PPFIBP2: variants seen among roughly 807,000 people sequenced by gnomAD.
PPFIBP2 encodes liprin-beta-2.
In PPFIBP2, 118 loss-of-function variants were observed where a neutral mutation model predicts 118.3. The ratio of observed to expected loss-of-function variants is 1.00; its 90% CI spans 0.86 to 1.16. PPFIBP2 has a LOEUF of 1.16. Ranked by LOEUF, PPFIBP2 falls within the 50% of genes most tolerant of loss-of-function variation. The pLI is 0.00. For synonymous variants in PPFIBP2, 414 were observed against 397.4 expected, an observed-to-expected ratio of 1.04 and a Z score of -0.50; for missense variants, 1,195 against 1,073.1, an observed-to-expected ratio of 1.11 and a Z score of -1.59.
At chr11:7,663,469 T>G in the PPFIBP2 span, among the ~76,000 whole-genome samples, 338 of 151,744 alleles carry the variant, frequency 2.2e-3, 1 homozygote, top group East Asian at 0.023. Context: ...CAGGGGTCAG[T>G]GGTCAGGGAC....
intron 1 of PPFIBP2, among the ~76,000 whole-genome samples, chr11:7,525,580 G>A (rs189033169): frequency 6.6e-6 from 1 of 152,308 alleles, no homozygotes; most frequent in Non-Finnish European, 1.5e-5. Flanking sequence ...GTAGAGAACA[G>A]CCCGGAATCA....
At chr11:7,653,833 G>A, downstream of PPFIBP2, 3 of 1,173,902 alleles carry the variant, frequency 2.6e-6, no homozygotes, top group South Asian at 4.7e-5. Context: ...CCTACGGATT[G>A]CAGAGCTGAA....
rs1854266229 is a variant in PPFIBP2, at chr11:7,652,951, T to A, written c.2437-73T>A. On this transcript the variant is annotated intron_variant, in intron 23 of 23. Transcript: ENST00000299492. ...TCCTTGAGTGCCTGCTCTTAAATTT[T>A]AAGTATATTGTCAGTCATACCTGCA... is the stretch of plus-strand genomic sequence containing the variant. 3 of 1,472,352 alleles carry A rather than the reference T, an allele frequency of 2.0e-6. No homozygotes were observed. The South Asian group carries it at 4.0e-5, about 20-fold the overall frequency. The allele number at this position is 1,472,352 out of a possible 1,614,324, so 91.2% of individuals were successfully genotyped here.
intron 6 of PPFIBP2, chr11:7,610,653 C>A: frequency 2.3e-6 from 1 of 438,944 alleles, no homozygotes; most frequent in Non-Finnish European, 4.1e-6. Context: ...TGCCCTCAAA[C>A]TGCTGACAAG....
intron 14 of PPFIBP2, 52 bp from the exon 15 acceptor site, chr11:7,639,680 C>CAGT: frequency 6.2e-7 from 1 of 1,611,126 alleles, no homozygotes; most frequent in Non-Finnish European, 8.5e-7. Flanking sequence ...GATTTCCTAA[C>CAGT]TGAGGCTGAC....
At chr11:7,575,455 C>G (rs1319147189) in intron 3 of PPFIBP2, among the ~76,000 whole-genome samples, 1 of 152,120 alleles carries the variant, frequency 6.6e-6, no homozygotes, top group Non-Finnish European at 1.5e-5. Context: ...CTCTTTTCTC[C>G]TCTCTTGTAC....
intron 3 of PPFIBP2, among the ~76,000 whole-genome samples, chr11:7,590,266 A>T (rs983387394): frequency 2.6e-5 from 4 of 152,230 alleles, no homozygotes; most frequent in Non-Finnish European, 5.9e-5. Flanking sequence ...TATATAGATC[A>T]TGAAAACACA....
chr11:7,568,404 C>T (rs1013023100), intron 3 of PPFIBP2, among the ~76,000 whole-genome samples: 3 of 152,190 alleles, frequency 2.0e-5, no homozygotes, highest in African/African-American at 7.2e-5. Flanking sequence ...CATGTCCTTA[C>T]AAGACACAAC....
chr11:7,607,879 T>C (rs1847586890), intron 5 of PPFIBP2, among the ~76,000 whole-genome samples: 1 of 152,224 alleles, frequency 6.6e-6, no homozygotes, highest in Non-Finnish European at 1.5e-5. Flanking sequence ...TAATTTGAAA[T>C]ATCTATTTTG....
chr11:7,651,618 T>C (rs1208885501), intron 22 of PPFIBP2, 38 bp from the exon 23 acceptor site: 2 of 1,557,572 alleles, frequency 1.3e-6, no homozygotes, highest in Non-Finnish European at 1.8e-6. Context: ...GCCATTTGTA[T>C]TTGCTCCTGG....
chr11:7,546,201 C>T (rs921314714), intron 1 of PPFIBP2, among the ~76,000 whole-genome samples: 6 of 152,180 alleles, frequency 3.9e-5, no homozygotes, highest in Admixed American at 3.9e-4. Flanking sequence ...TATGAAAGCA[C>T]ATTGTATGAT....
chr11:7,597,226 G>A, intron 4 of PPFIBP2: 3 of 1,520,508 alleles, frequency 2.0e-6, no homozygotes, highest in Non-Finnish European at 2.6e-6. Context: ...TGTGCCTTGA[G>A]GTCGGGGCTG....
At chr11:7,581,965 T>C (rs2135038090) in intron 3 of PPFIBP2, among the ~76,000 whole-genome samples, 1 of 152,056 alleles carries the variant, frequency 6.6e-6, no homozygotes, top group South Asian at 2.1e-4. Context: ...GCCTCCCGAG[T>C]AGCTGGGATT....
Position 7,648,832 on chromosome 11 carries a change from G to A in PPFIBP2, c.1830G>A (p.Lys610=). 1 of 1,614,136 alleles carries A rather than the reference G, an allele frequency of 6.2e-7. No individual in the cohort carries two copies. The highest frequency in any genetic ancestry group is 2.2e-5 in the East Asian group (1 of 44,888). ...GAATTAAGCACCCACTCCACAGGAA[G>A]AAGCTTGTTTTAGCAGTGAAAGCCA... ...ELGIKHPLHR[K]KLVLAVKAIN... is the part of the protein sequence containing the mutation. Residue 610 remains lysine (K), a synonymous_variant, in exon 19 of 24, where the codon AAG becomes AAA. Coordinates refer to ENST00000299492, the MANE Select transcript of PPFIBP2 (RefSeq NM_003621.5).
intron 3 of PPFIBP2, among the ~76,000 whole-genome samples, chr11:7,585,192 C>T (rs1035205183): frequency 1.3e-5 from 2 of 152,096 alleles, no homozygotes; most frequent in Non-Finnish European, 2.9e-5. Context: ...ATTAGAAGCA[C>T]TGAAGGAAAT....
chr11:7,577,568 A>C (rs1856613951), intron 3 of PPFIBP2: 1 of 456,722 alleles, frequency 2.2e-6, no homozygotes, highest in African/African-American at 2.0e-5. Context: ...CAAGGCATCT[A>C]ACTGCTGACA....
intron 4 of PPFIBP2, among the ~76,000 whole-genome samples, chr11:7,594,612 T>C (rs1859931661): frequency 6.6e-6 from 1 of 151,388 alleles, no homozygotes; most frequent in Non-Finnish European, 1.5e-5. Flanking sequence ...TGAAACCCTG[T>C]CTCTACTGAA....
intron 17 of PPFIBP2, among the ~76,000 whole-genome samples, chr11:7,643,393 G>A (rs900580630): frequency 1.3e-5 from 2 of 152,218 alleles, no homozygotes; most frequent in African/African-American, 4.8e-5. Flanking sequence ...CCTAGAGTAG[G>A]AGAGCATGGT....
downstream of PPFIBP2, chr11:7,656,764 G>T: frequency 7.8e-7 from 1 of 1,289,796 alleles, no homozygotes; most frequent in South Asian, 1.2e-5. Context: ...AATGACTCTC[G>T]CCTGCCTGCC....
Sources: gnomAD v4.1 joint callset for allele counts (sites outside exome capture counted in the v4.1 genomes callset) on GRCh38, gnomAD v4.1.1 for gene constraint, MANE v1.5 for transcripts, NCBI Gene and HGNC (gene_info 2026-07-23, HGNC 2026-07-21) for gene names.